The following USH2A variants were observed in gnomAD, a reference collection of about 807,000 sequenced individuals.
USH2A encodes the protein Usher syndrome 2A (autosomal recessive, mild).
USH2A carries 443 observed loss-of-function variants against 538.9 expected under a neutral mutation model. The ratio of observed to expected loss-of-function variants is 0.82; its 90% CI spans 0.76 to 0.89. The LOEUF (loss-of-function observed/expected upper bound fraction) is 0.89, where lower values mean the gene tolerates loss of function less well. Among genes scored for constraint, USH2A ranks in the 40% least tolerant of loss-of-function variants. The probability of loss-of-function intolerance (pLI) is 0.00; values close to 1 mark genes in which losing one functional copy is unlikely to be tolerated. For missense variants in USH2A, 6,633 were observed against 6,324.8 expected (o/e 1.05, Z -1.65); for synonymous variants, 2,413 against 2,273.5 (o/e 1.06, Z -1.75).
chr1:216,206,307 T>A (rs988198251), intron 16 of USH2A, among the ~76,000 whole-genome samples: 8 of 152,324 alleles, frequency 5.3e-5, no homozygotes, highest in Admixed American at 1.3e-4. Context: ...CCCAACTTTT[T>A]TGGCCCCAGG....
chr1:216,179,061 A>G (rs898789350), intron 20 of USH2A, among the ~76,000 whole-genome samples: 6 of 152,086 alleles, frequency 3.9e-5, no homozygotes, highest in Non-Finnish European at 8.8e-5. Flanking sequence ...GCCTTTCTCC[A>G]GGTCCCATTT....
At chr1:216,176,304 T>C (rs1010389491) in intron 20 of USH2A, among the ~76,000 whole-genome samples, 3 of 152,110 alleles carry the variant, frequency 2.0e-5, no homozygotes, top group Admixed American at 6.5e-5. Context: ...GGCATAATGA[T>C]AGCTCACTAC....
chr1:215,691,998 T>A (rs1402444619), intron 61 of USH2A, among the ~76,000 whole-genome samples: 1 of 152,076 alleles, frequency 6.6e-6, no homozygotes, highest in African/African-American at 2.4e-5. Context: ...AAATCAGTAA[T>A]AGAAGCTGAG....
chr1:215,658,727 T>C (rs953476207), intron 64 of USH2A, among the ~76,000 whole-genome samples: 1 of 152,248 alleles, frequency 6.6e-6, no homozygotes, highest in African/African-American at 2.4e-5. Flanking sequence ...GTGCCACTTA[T>C]CATGCTTTCA....
chr1:215,696,872 A>G (rs1658827476), intron 61 of USH2A, among the ~76,000 whole-genome samples: 1 of 152,190 alleles, frequency 6.6e-6, no homozygotes, highest in Non-Finnish European at 1.5e-5. Flanking sequence ...CTAAACAAAC[A>G]AAATAAAATA....
chr1:215,977,615 C>T (rs963650398), intron 35 of USH2A, among the ~76,000 whole-genome samples: 19 of 152,010 alleles, frequency 1.2e-4, no homozygotes, highest in African/African-American at 3.6e-4. Flanking sequence ...GCGAATTAAG[C>T]GATTCCCTTG....
At chr1:216,197,099 A>G (rs2034866470) in intron 18 of USH2A, among the ~76,000 whole-genome samples, 1 of 152,178 alleles carries the variant, frequency 6.6e-6, no homozygotes, top group Non-Finnish European at 1.5e-5. Context: ...ATGGTGATGT[A>G]CTGGATTTCC....
chr1:215,828,138 C>T (rs1384387305), intron 47 of USH2A, among the ~76,000 whole-genome samples: 1 of 152,096 alleles, frequency 6.6e-6, no homozygotes, highest in Non-Finnish European at 1.5e-5. Flanking sequence ...CTTAACCCCA[C>T]ATTAAGTAAT....
intron 32 of USH2A, among the ~76,000 whole-genome samples, chr1:216,013,583 C>T (rs1668630053): frequency 6.6e-6 from 1 of 152,114 alleles, no homozygotes; most frequent in African/African-American, 2.4e-5. Context: ...ATGGCCTGTT[C>T]CTGCCTTAAC....
At chr1:216,279,384 C>A (rs1227285486) in intron 11 of USH2A, among the ~76,000 whole-genome samples, 2 of 152,082 alleles carry the variant, frequency 1.3e-5, no homozygotes, top group African/African-American at 4.8e-5. Flanking sequence ...GCAAAGTAAA[C>A]CCACAACTGA....
intron 4 of USH2A, among the ~76,000 whole-genome samples, chr1:216,330,086 A>G (rs1167465355): frequency 6.6e-6 from 1 of 152,076 alleles, no homozygotes; most frequent in Non-Finnish European, 1.5e-5. Flanking sequence ...ACTGATGAAC[A>G]CTGTGATGTT....
At chr1:215,989,359 T>A (rs988811356) in intron 35 of USH2A, among the ~76,000 whole-genome samples, 3 of 152,136 alleles carry the variant, frequency 2.0e-5, no homozygotes, top group Non-Finnish European at 2.9e-5. Context: ...CATGTCCACA[T>A]CTCATAGGGA....
At chr1:216,325,975 T>C (rs746030478) in intron 5 of USH2A, among the ~76,000 whole-genome samples, 1 of 152,178 alleles carries the variant, frequency 6.6e-6, no homozygotes, top group Non-Finnish European at 1.5e-5. Flanking sequence ...TGAACAATAA[T>C]ATATGGAGAA....
At chr1:215,999,807 A>G (rs1221293022) in intron 33 of USH2A, among the ~76,000 whole-genome samples, 2 of 152,196 alleles carry the variant, frequency 1.3e-5, no homozygotes, top group East Asian at 1.9e-4. Flanking sequence ...GCTTGAATAA[A>G]TGTCAGAATT....
At chr1:216,370,444 T>C (rs1475692023) in intron 3 of USH2A, among the ~76,000 whole-genome samples, 1 of 151,140 alleles carries the variant, frequency 6.6e-6, no homozygotes, top group Non-Finnish European at 1.5e-5. Context: ...CAGAGGTAAG[T>C]GGATCACGAG....
In USH2A at chr1:215,674,834, G is replaced by A. The variant is rs2102665844; in HGVS notation, c.13077C>T (p.Val4359=). The change falls in exon 63 of 72, where the codon GTC becomes GTT. Residue 4359 remains valine, a synonymous_variant. Transcript: ENST00000307340. The part of the protein sequence containing the change: ...ITTLEAAPSE[V]SPPDLWAVSA... ...TGACGGCCCAAAGATCTGGAGGGCT[G>A]ACTTCTGATGGAGCAGCCTCCAGAG... is the stretch of plus-strand genomic sequence containing the variant. 1 of 1,614,118 alleles carries A rather than the reference G, an allele frequency of 6.2e-7. No individual in the cohort carries two copies. Among genetic ancestry groups the A allele is most frequent in the Non-Finnish European group, 8.5e-7 (1 of 1,180,008 alleles).
chr1:216,254,315 A>T (rs2036218798), intron 11 of USH2A, among the ~76,000 whole-genome samples: 1 of 152,072 alleles, frequency 6.6e-6, no homozygotes, highest in African/African-American at 2.4e-5. Context: ...ACAGTTGTAG[A>T]TTCTACCTTT....
At position 215,640,781 on chromosome 1, in the gene USH2A, G is replaced by A. The variant is rs1420508692; in HGVS notation, c.14792-47C>T. 5 of 1,588,380 alleles carry A rather than the reference G, an allele frequency of 3.1e-6. No individual in the cohort carries two copies. In the South Asian group the frequency reaches 5.5e-5, roughly 18 times the overall value. On this transcript the variant is annotated intron_variant, in intron 67 of 71. Coordinates refer to ENST00000307340, the MANE Select transcript of USH2A (RefSeq NM_206933.4). ...TTCTAAAAAGGGTAACCTCTTTGAA[G>A]GAGTGCAGGTGTGCACTTTAAAAAA...
intron 61 of USH2A, among the ~76,000 whole-genome samples, chr1:215,683,027 T>G (rs536659752): frequency 3.2e-4 from 49 of 152,156 alleles, no homozygotes; most frequent in Non-Finnish European, 1.6e-4. Context: ...TGTGGCTAAT[T>G]AAAACAAAAT....
Sources: allele counts gnomAD v4.1 joint callset (sites outside exome capture counted in the v4.1 genomes callset), GRCh38; gene constraint gnomAD v4.1.1; transcripts MANE v1.5; gene names NCBI Gene and HGNC (gene_info 2026-07-23, HGNC 2026-07-21).